SAMMSON: variants seen among roughly 807,000 people sequenced by gnomAD.
The protein encoded by SAMMSON is survival associated mitochondrial melanoma specific oncogenic non-coding RNA, also known as long intergenic non-protein coding RNA 1212.
At position 70,384,759 on chromosome 3, in the gene SAMMSON, A is replaced by G. The variant is rs1703106562; in HGVS notation, n.914-4815A>G. On this transcript the variant is annotated intron_variant and non_coding_transcript_variant, in intron 9 of 9. Transcript: ENST00000642114. The stretch of plus-strand genomic sequence containing the variant: ...GAAATTACCTTCTCACTGCCATCTA[A>G]AAGTGGTAGACTTCAGATTTTCTGG... Among the ~76,000 whole-genome samples, 3 of 152,090 alleles carry G rather than the reference A, an allele frequency of 2.0e-5. No homozygotes were observed. In the South Asian group the frequency reaches 6.2e-4, roughly 31 times the overall value.
At chr3:70,138,852 A>G (rs781123503) in intron 4 of SAMMSON, among the ~76,000 whole-genome samples, 1 of 152,106 alleles carries the variant, frequency 6.6e-6, no homozygotes, top group African/African-American at 2.4e-5. Context: ...ATGGTGGGAG[A>G]GCAAACAACA....
At chr3:70,294,860 C>G (rs1702274771) in intron 7 of SAMMSON, among the ~76,000 whole-genome samples, 1 of 152,016 alleles carries the variant, frequency 6.6e-6, no homozygotes, top group African/African-American at 2.4e-5. Flanking sequence ...TTGATGGTAT[C>G]CAAAATAGGA....
At chr3:70,125,020 AAG>A (rs1255383742) in intron 4 of SAMMSON, 2 of 693,736 alleles carry the variant, frequency 2.9e-6, no homozygotes, top group Non-Finnish European at 5.2e-6. Flanking sequence ...CCAAGTTGGA[AAG>A]CCCTTGAAAG....
chr3:70,194,589 A>G (rs549379914), intron 4 of SAMMSON, among the ~76,000 whole-genome samples: 1 of 152,356 alleles, frequency 6.6e-6, no homozygotes, highest in East Asian at 1.9e-4. Flanking sequence ...AGTGAGGAAC[A>G]AAGTTAACAA....
At chr3:70,001,247 C>T (rs1214818711) in intron 1 of SAMMSON, among the ~76,000 whole-genome samples, 1 of 152,062 alleles carries the variant, frequency 6.6e-6, no homozygotes, top group African/African-American at 2.4e-5. Flanking sequence ...AATTAAAAAA[C>T]GAAAAGTAAG....
At chr3:70,078,578 T>C (rs941856768) in intron 4 of SAMMSON, among the ~76,000 whole-genome samples, 6 of 152,200 alleles carry the variant, frequency 3.9e-5, no homozygotes, top group African/African-American at 1.4e-4. Context: ...TACCTCGATT[T>C]ATCTGCTTCT....
intron 3 of SAMMSON, among the ~76,000 whole-genome samples, chr3:70,022,078 G>T (rs375829317): frequency 6.6e-6 from 1 of 151,998 alleles, no homozygotes; most frequent in Non-Finnish European, 1.5e-5. Context: ...ACATCTTAAC[G>T]AGAAGGGCCT....
At chr3:70,188,433 A>C (rs1274592206) in intron 4 of SAMMSON, among the ~76,000 whole-genome samples, 3 of 152,222 alleles carry the variant, frequency 2.0e-5, no homozygotes. Flanking sequence ...AGGAGGTATT[A>C]TGCTAATCTT....
chr3:70,371,169 C>T (rs1425425391), intron 9 of SAMMSON, among the ~76,000 whole-genome samples: 1 of 151,994 alleles, frequency 6.6e-6, no homozygotes, highest in African/African-American at 2.4e-5. Flanking sequence ...TTCCATTGGT[C>T]TTTGTGTCTA....
At chr3:70,187,940 T>C (rs1042106468) in intron 4 of SAMMSON, among the ~76,000 whole-genome samples, 2 of 152,134 alleles carry the variant, frequency 1.3e-5, no homozygotes, top group South Asian at 2.1e-4. Flanking sequence ...AAAGAGGCCA[T>C]GTAGCAAGCT....
chr3:70,171,372 A>C (rs538971698), intron 4 of SAMMSON, among the ~76,000 whole-genome samples: 2 of 151,988 alleles, frequency 1.3e-5, no homozygotes, highest in African/African-American at 4.8e-5. Flanking sequence ...GCTGAAGCTT[A>C]ACTTCATTGC....
intron 3 of SAMMSON, among the ~76,000 whole-genome samples, chr3:70,035,971 CA>C (rs1036424396): frequency 6.6e-6 from 1 of 151,920 alleles, no homozygotes; most frequent in Admixed American, 6.6e-5. Context: ...AACAATATAT[CA>C]AAAATAGTAC....
At chr3:70,153,848 T>A (rs760527448) in intron 4 of SAMMSON, among the ~76,000 whole-genome samples, 1 of 151,978 alleles carries the variant, frequency 6.6e-6, no homozygotes, top group Non-Finnish European at 1.5e-5. Flanking sequence ...ACTGAACTCA[T>A]TGAACAATAA....
At chr3:70,200,134 C>G (rs528229698) in intron 4 of SAMMSON, among the ~76,000 whole-genome samples, 2 of 152,172 alleles carry the variant, frequency 1.3e-5, no homozygotes, top group African/African-American at 4.8e-5. Flanking sequence ...AATCCACAAG[C>G]TGCTCACCAC....
chr3:70,384,185 A>G (rs1353550619), intron 9 of SAMMSON, among the ~76,000 whole-genome samples: 3 of 152,102 alleles, frequency 2.0e-5, no homozygotes, highest in East Asian at 1.9e-4. Flanking sequence ...TGCTGATTTA[A>G]TCAATCCTTT....
intron 9 of SAMMSON, among the ~76,000 whole-genome samples, chr3:70,370,897 A>G (rs568988523): frequency 2.7e-4 from 41 of 152,118 alleles, no homozygotes; most frequent in Non-Finnish European, 4.4e-4. Context: ...GCCTAGACCA[A>G]TGCTCAGGGG....
chr3:70,005,001 G>T (rs1056132541), intron 1 of SAMMSON, among the ~76,000 whole-genome samples: 3 of 152,180 alleles, frequency 2.0e-5, no homozygotes, highest in African/African-American at 4.8e-5. Context: ...GAGTGGCAGA[G>T]CCCGGGCTGG....
At chr3:70,307,018 G>A (rs988356800) in intron 7 of SAMMSON, among the ~76,000 whole-genome samples, 4 of 152,102 alleles carry the variant, frequency 2.6e-5, no homozygotes, top group Admixed American at 2.0e-4. Flanking sequence ...TAGAGAGATA[G>A]AGAGAAAATC....
intron 4 of SAMMSON, among the ~76,000 whole-genome samples, chr3:70,234,232 G>A: frequency 6.6e-6 from 1 of 152,172 alleles, no homozygotes; most frequent in Admixed American, 6.5e-5. Flanking sequence ...GGGCTGGGTT[G>A]ACACCTAAAA....
Sources: allele counts gnomAD v4.1 joint callset (sites outside exome capture counted in the v4.1 genomes callset), GRCh38; gene constraint gnomAD v4.1.1; transcripts MANE v1.5; gene names NCBI Gene and HGNC (gene_info 2026-07-23, HGNC 2026-07-21).